The following FMNL1 variants were observed in gnomAD, a reference collection of about 807,000 sequenced individuals.
FMNL1 encodes formin-like protein 1.
A neutral mutation model predicts 121.3 loss-of-function variants in FMNL1; 43 were observed. That is an observed-to-expected ratio of 0.35 (90% CI 0.28 to 0.46). The LOEUF is 0.46. Ranked by LOEUF, FMNL1 falls within the 20% of genes least tolerant of loss-of-function variation. The pLI, the probability that FMNL1 is intolerant of heterozygous loss-of-function variation, is 1.00. For synonymous variants in FMNL1, 613 were observed against 613.5 expected, an observed-to-expected ratio of 1.00 and a Z score of 0.01; for missense variants, 1,191 against 1,482.4, an observed-to-expected ratio of 0.80 and a Z score of 3.23.
chr17:45,247,311 T>C lies in FMNL1; in HGVS notation c.*453T>C. On this transcript the variant is annotated 3_prime_UTR_variant, in exon 27 of 27. Transcript: ENST00000331495. ...TTTTATATGAGATTAATAAAGATGT[T>C]TGCAAAAGATCCGCGTCGGCTCCAT... 1 of 260,546 alleles carries C rather than the reference T, an allele frequency of 3.8e-6. No homozygotes were observed. The highest frequency in any genetic ancestry group is 7.3e-6 in the Non-Finnish European group (1 of 137,460). 16.1% of individuals were successfully genotyped at this position (260,546 alleles called of 1,614,324 possible). A position where few individuals can be genotyped will look rare whatever the true frequency, so the allele number is the denominator to read the frequency against.
At chr17:45,232,513 C>T (rs770750478) in intron 3 of FMNL1, 33 bp downstream of exon 3, 22 of 1,601,714 alleles carry the variant, frequency 1.4e-5, no homozygotes, top group Non-Finnish European at 1.8e-5. Context: ...CTGTCCCTTT[C>T]CCCCACATTT....
In FMNL1 at chr17:45,237,631, T is replaced by C. The variant is rs752976420; in HGVS notation, c.886T>C (p.Phe296Leu). 3 of 1,614,082 alleles carry C rather than the reference T, an allele frequency of 1.9e-6. No homozygotes were observed. Among genetic ancestry groups the C allele is most frequent in the Non-Finnish European group, 2.5e-6 (3 of 1,179,990 alleles). Reference sequence around the variant, plus strand: ...CATCATCCTTGCAGCCTTTGACAACTTCAAGGAGGTACCGGAGTCCCTCAC... The same window carrying C: ...CATCATCCTTGCAGCCTTTGACAACCTCAAGGAGGTACCGGAGTCCCTCAC... The part of the protein sequence containing the change: ...HDIILAAFDN[F>L]KEVCGEQHRF... Residue 296 changes from phenylalanine to leucine, a missense_variant, in exon 9 of 27, where the codon TTC becomes CTC. Around this residue, in one of 4 missense-constraint regions of FMNL1, gnomAD observed 253 missense variants for 417.5 expected, o/e 0.61. Transcript: ENST00000331495. This position sits in a 1 kb window ranked among gnomAD's most constrained non-coding sequence, Gnocchi z 4.4.
Position 45,221,899 on chromosome 17 carries a change from A to G in FMNL1, c.-226A>G, listed in dbSNP as rs559182355. On this transcript the variant is annotated 5_prime_UTR_variant, in exon 1 of 27. Coordinates refer to ENST00000331495, the MANE Select transcript of FMNL1 (RefSeq NM_005892.4). ...GCCTGCAGCCTGACTTCCTCCCCCA[A>G]CCCTGCAGCTCGCCGCCCGGTCCCA... is the stretch of plus-strand genomic sequence containing the variant. The G allele has an allele frequency of 4.0e-4, 131 of 327,014 alleles. 1 individual carries two copies. Among genetic ancestry groups the G allele is most frequent in the African/African-American group, 2.5e-3 (115 of 45,606 alleles). The allele number at this position is 327,014 out of a possible 1,614,324, so 20.3% of individuals were successfully genotyped here. A position where few individuals can be genotyped will look rare whatever the true frequency, so the allele number is the denominator to read the frequency against.
At position 45,245,413 on chromosome 17, in the gene FMNL1, T is replaced by C; in HGVS notation, c.2889T>C (p.Ala963=). 6.2e-7 allele frequency: 1 copy of C among 1,614,080 alleles called. No individual in the cohort carries two copies. Among genetic ancestry groups the C allele is most frequent in the African/African-American group, 1.3e-5 (1 of 75,030 alleles). The part of the protein sequence containing the change: ...MDKLLADSKT[A]QEAFESVVEY... ...AGCTGCTGGCAGACAGCAAGACGGC[T>C]CAGGTGCGCCAGGGCTGGCCTCACC... Residue 963 remains alanine, a synonymous_variant, in exon 22 of 27, where the codon GCT becomes GCC. Coordinates refer to ENST00000331495, the MANE Select transcript of FMNL1 (RefSeq NM_005892.4).
At chr17:45,246,034 T>C (rs746069423) in intron 24 of FMNL1, 61 bp downstream of exon 24, 2 of 1,516,262 alleles carry the variant, frequency 1.3e-6, no homozygotes, top group Non-Finnish European at 1.8e-6. Context: ...CTCATCACCC[T>C]CTGGTGCCAC....
At position 45,241,744 on chromosome 17, in the gene FMNL1, G is replaced by C. The variant is rs1359761353; in HGVS notation, c.1586-103G>C. ...GAGGGAGGTTTGGATTGTAGGCTCGGCTCAGGTAGGAGCGCATGCGTAGAG... is the reference window on the plus strand; with the variant it reads ...GAGGGAGGTTTGGATTGTAGGCTCGCCTCAGGTAGGAGCGCATGCGTAGAG... On this transcript the variant is annotated intron_variant, in intron 14 of 26. Transcript: ENST00000331495. The surrounding 1 kb of genome is among the most constrained non-coding windows in gnomAD (Gnocchi z 7.0). 3 of 1,432,366 alleles carry C rather than the reference G, an allele frequency of 2.1e-6. No individual in the cohort carries two copies. The highest frequency in any genetic ancestry group is 2.7e-6 in the Non-Finnish European group (3 of 1,097,248). 88.7% of individuals were successfully genotyped at this position (1,432,366 alleles called of 1,614,324 possible).
chr17:45,245,035 G>C lies in FMNL1; in HGVS notation c.2655G>C (p.Lys885Asn). ...AGACGCTGCTGCACTACCTGGTGAAGGTCATTGCTGAGAAGTACCCGCAAC... is the reference window on the plus strand; with the variant it reads ...AGACGCTGCTGCACTACCTGGTGAACGTCATTGCTGAGAAGTACCCGCAAC... ...RKQTLLHYLV[K>N]VIAEKYPQLT... is the part of the protein sequence containing the mutation. The change falls in exon 21 of 27, where the codon AAG (lysine) becomes AAC (asparagine). Residue 885 changes from lysine to asparagine, a missense_variant. Coordinates refer to ENST00000331495, the MANE Select transcript of FMNL1 (RefSeq NM_005892.4). 6.2e-7 allele frequency: 1 copy of C among 1,614,198 alleles called. No homozygotes were observed. Among genetic ancestry groups the C allele is most frequent in the Non-Finnish European group, 8.5e-7 (1 of 1,180,026 alleles).
At position 45,241,527 on chromosome 17, in the gene FMNL1, G is replaced by T. The variant is rs754245263; in HGVS notation, c.1478G>T (p.Arg493Leu). Residue 493 changes from arginine (R) to leucine (L), a missense_variant, in exon 14 of 27, where the codon CGG (arginine) becomes CTG (leucine). Arg to Leu is a moderately radical substitution (Grantham distance 102). Coordinates refer to ENST00000331495, the MANE Select transcript of FMNL1 (RefSeq NM_005892.4). The surrounding 1 kb of genome is among the most constrained non-coding windows in gnomAD (Gnocchi z 7.0). The part of the protein sequence containing the change: ...LEEKGLIRIL[R>L]GPGDAVSIEI... ...GAGAAGGGGTTAATCCGTATTCTGC[G>T]GGGGCCGGGGGATGCTGTCTCCATC... The T allele has an allele frequency of 6.3e-7, 1 of 1,577,756 alleles. No homozygotes were observed.
intron 11 of FMNL1, 164 bp from the exon 12 acceptor site, chr17:45,240,312 A>G (rs2043655460): frequency 3.0e-6 from 2 of 677,522 alleles, no homozygotes; most frequent in Non-Finnish European, 4.5e-6. Flanking sequence ...ACACTTTAAA[A>G]TGGATTTTAT....
At position 45,243,328 on chromosome 17, in the gene FMNL1, T is replaced by C; in HGVS notation, c.2213+8T>C. The C allele has an allele frequency of 6.2e-7, 1 of 1,612,652 alleles. No individual in the cohort carries two copies. Among genetic ancestry groups the C allele is most frequent in the Admixed American group, 1.7e-5 (1 of 60,022 alleles). ...CTGCCAAGCCATTGAGGCGTGAGTGTCCCTGTCCTGGGTTTGTGGGCAGTC... is the reference window on the plus strand; with the variant it reads ...CTGCCAAGCCATTGAGGCGTGAGTGCCCCTGTCCTGGGTTTGTGGGCAGTC... On this transcript the variant is annotated splice_region_variant and intron_variant, in intron 17 of 26. Transcript: ENST00000331495.
Position 45,241,837 on chromosome 17 carries a change from G to T in FMNL1, c.1586-10G>T, listed in dbSNP as rs755876570. 2.8e-6 allele frequency: 4 copies of T among 1,420,084 alleles called. No homozygotes were observed. Among genetic ancestry groups the T allele is most frequent in the Non-Finnish European group, 2.7e-6 (3 of 1,095,456 alleles). The allele number at this position is 1,420,084 out of a possible 1,614,324, so 88.0% of individuals were successfully genotyped here. On this transcript the variant is annotated splice_polypyrimidine_tract_variant and intron_variant, in intron 14 of 26. Coordinates refer to ENST00000331495, the MANE Select transcript of FMNL1 (RefSeq NM_005892.4). This position sits in a 1 kb window ranked among gnomAD's most constrained non-coding sequence, Gnocchi z 7.0. ...CGCGCCTCCCCCACGCCGCGCCCTC[G>T]CTGGCTCAGATCTCGCACCTGCAGC...
At chr17:45,239,093 A>G (rs774837135) in intron 11 of FMNL1, 28 bp downstream of exon 11, 61 of 1,576,516 alleles carry the variant, frequency 3.9e-5, no homozygotes, top group Non-Finnish European at 5.0e-5. Context: ...CCCCAGACTG[A>G]ACTGCCTGCC....
chr17:45,233,851 C>A lies in FMNL1; in HGVS notation c.485+120C>A. 2 of 1,408,216 alleles carry A rather than the reference C, an allele frequency of 1.4e-6. No homozygotes were observed. The highest frequency in any genetic ancestry group is 1.3e-5 in the South Asian group (1 of 76,382). 87.2% of individuals were successfully genotyped at this position (1,408,216 alleles called of 1,614,324 possible). A position where few individuals can be genotyped will look rare whatever the true frequency, so the allele number is the denominator to read the frequency against. On this transcript the variant is annotated intron_variant, in intron 5 of 26. Coordinates refer to ENST00000331495, the MANE Select transcript of FMNL1 (RefSeq NM_005892.4). This position sits in a 1 kb window ranked among gnomAD's most constrained non-coding sequence, Gnocchi z 4.1. ...GGCAGCCCGAGCCTACCCTGGAACC[C>A]TCCACTTGGCCTTGAGCGATGCTCC...
intron 1 of FMNL1, among the ~76,000 whole-genome samples, chr17:45,225,889 G>A (rs1053013935): frequency 1.3e-5 from 2 of 152,166 alleles, no homozygotes; most frequent in Admixed American, 6.5e-5. Flanking sequence ...TAGGATTGTC[G>A]AGAGGGTGAA....
At chr17:45,224,535 C>T (rs1049691810) in intron 1 of FMNL1, among the ~76,000 whole-genome samples, 2 of 152,180 alleles carry the variant, frequency 1.3e-5, no homozygotes, top group African/African-American at 2.4e-5. Context: ...TGTAGTCCAG[C>T]GGCCCCAGGG....
At position 45,237,361 on chromosome 17, in the gene FMNL1, A is replaced by C. The variant is rs759256335; in HGVS notation, c.800+4A>C. On this transcript the variant is annotated splice_donor_region_variant and intron_variant, in intron 8 of 26. Transcript: ENST00000331495. This position sits in a 1 kb window ranked among gnomAD's most constrained non-coding sequence, Gnocchi z 4.4. ...GCCTCAACAACAAGAACCCCAGGTG[A>C]GGTCCAGGCCCCAAACCTTTCTCCG... The C allele has an allele frequency of 1.2e-6, 2 of 1,614,186 alleles. No individual in the cohort carries two copies. Among genetic ancestry groups the C allele is most frequent in the South Asian group, 2.2e-5 (2 of 91,080 alleles).
chr17:45,239,249 A>T lies in FMNL1; in HGVS notation c.1080+184A>T, dbSNP rs1262900989. On this transcript the variant is annotated intron_variant, in intron 11 of 26. Transcript: ENST00000331495. ...CAGTGTCAGTTTTGCCATCTGTGAA[A>T]TAGGAGAATCATAGAAGATAATCTT... 3.5e-5 allele frequency: 21 copies of T among 602,634 alleles called. No individual in the cohort carries two copies. The East Asian group carries it at 5.9e-4, about 17-fold the overall frequency. The allele number at this position is 602,634 out of a possible 1,614,324, so 37.3% of individuals were successfully genotyped here.
In FMNL1 at chr17:45,246,197, A is replaced by G. The variant is rs772027759; in HGVS notation, c.3091-13A>G. The G allele has an allele frequency of 1.7e-5, 27 of 1,599,832 alleles. No individual in the cohort carries two copies. The highest frequency in any genetic ancestry group is 2.3e-5 in the Non-Finnish European group (27 of 1,170,140). ...GGAGGCATCCTGGAGCTGGAGCTAT[A>G]AATTCCCCCTAGTCACCGCCAAAGG... On this transcript the variant is annotated splice_polypyrimidine_tract_variant and intron_variant, in intron 24 of 26. Coordinates refer to ENST00000331495, the MANE Select transcript of FMNL1 (RefSeq NM_005892.4).
In FMNL1 at chr17:45,221,961, C is replaced by A; in HGVS notation, c.-164C>A. ...GCCCCGATGGGACGCCGCGCTCCGG[C>A]CCCTGCGCGCCGCTGAGCCGAGCGC... On this transcript the variant is annotated 5_prime_UTR_variant, in exon 1 of 27. Transcript: ENST00000331495. 1 of 418,346 alleles carries A rather than the reference C, an allele frequency of 2.4e-6. No homozygotes were observed. The allele number at this position is 418,346 out of a possible 1,614,324, so 25.9% of individuals were successfully genotyped here.
Sources: allele counts gnomAD v4.1 joint callset (sites outside exome capture counted in the v4.1 genomes callset), GRCh38; gene constraint gnomAD v4.1.1; regional missense constraint gnomAD v4.1.1; non-coding constraint Gnocchi (gnomAD v3.1); transcripts MANE v1.5; gene names NCBI Gene and HGNC (gene_info 2026-07-23, HGNC 2026-07-21).